The following SLC6A3 variants were observed in gnomAD, a reference collection of about 807,000 sequenced individuals.
SLC6A3 encodes solute carrier family 6 member 3, also known as sodium-dependent dopamine transporter.
Under a neutral mutation model 70.4 loss-of-function variants are expected in SLC6A3, and 19 were observed. The observed-to-expected ratio is 0.27, with a 90% CI of 0.19 to 0.40. The LOEUF (loss-of-function observed/expected upper bound fraction) is 0.40, where lower values mean the gene tolerates loss of function less well. SLC6A3 is among the 10% of genes least tolerant of loss of function. The probability of loss-of-function intolerance (pLI) is 1.00; values close to 1 mark genes in which losing one functional copy is unlikely to be tolerated. For missense variants in SLC6A3, 613 were observed against 838.5 expected (o/e 0.73, Z 3.32); for synonymous variants, 368 against 356.6 (o/e 1.03, Z -0.36).
In SLC6A3 at chr5:1,402,965, T is replaced by C. The variant is rs762796339; in HGVS notation, c.1724A>G (p.Tyr575Cys). The change falls in exon 13 of 15, where the codon TAT becomes TGT. Residue 575 changes from tyrosine (Y) to cysteine (C), a missense_variant. Around this residue, in one of 4 missense-constraint regions of SLC6A3, gnomAD observed 348 missense variants for 481.2 expected, o/e 0.72. Transcript: ENST00000270349. This position sits in a 1 kb window ranked among gnomAD's most constrained non-coding sequence, Gnocchi z 8.5. ...CAGGCTGCAGAACTTGTAGGCCGCA[T>C]AGATGGGCACCATGGCCATGGAGGA... Reference protein sequence around the residue: ...ATSSMAMVPIYAAYKFCSLPG... With the variant: ...ATSSMAMVPICAAYKFCSLPG... 16 of 1,613,870 alleles carry C rather than the reference T, an allele frequency of 9.9e-6. No homozygotes were observed. Among genetic ancestry groups the C allele is most frequent in the South Asian group, 6.6e-5 (6 of 91,084 alleles).
intron 14 of SLC6A3, among the ~76,000 whole-genome samples, chr5:1,399,190 C>G (rs1394552858): frequency 6.6e-6 from 1 of 151,912 alleles, no homozygotes; most frequent in East Asian, 1.9e-4. Context: ...GTAAAACATC[C>G]CCATATATTT....
intron 4 of SLC6A3, among the ~76,000 whole-genome samples, chr5:1,429,913 A>G (rs1756656846): frequency 6.6e-6 from 1 of 152,174 alleles, no homozygotes; most frequent in Admixed American, 6.5e-5. Flanking sequence ...ACGCAATGGG[A>G]GTTTTCTCCC....
At position 1,438,980 on chromosome 5, in the gene SLC6A3, C is replaced by G. The variant is rs534187115; in HGVS notation, c.418+2379G>C. Among the ~76,000 whole-genome samples the G allele has an allele frequency of 9.8e-5, 15 of 152,342 alleles. No homozygotes were observed. In the South Asian group the frequency reaches 2.9e-3, roughly 29 times the overall value. On this transcript the variant is annotated intron_variant, in intron 3 of 14. Coordinates refer to ENST00000270349, the MANE Select transcript of SLC6A3 (RefSeq NM_001044.5). The surrounding 1 kb of genome is among the most constrained non-coding windows in gnomAD (Gnocchi z 6.5). ...GCAAGCTCAGCATCGCTTACGACTG[C>G]AGGCTCAGAGGCAGCACTCCTCTCT...
Position 1,441,487 on chromosome 5 carries a change from G to C in SLC6A3, c.290C>G (p.Ala97Gly). 6.2e-7 allele frequency: 1 copy of C among 1,613,978 alleles called. No individual in the cohort carries two copies. Among genetic ancestry groups the C allele is most frequent in the Non-Finnish European group, 8.5e-7 (1 of 1,179,944 alleles). Residue 97 changes from alanine (A) to glycine (G), a missense_variant, in exon 3 of 15, where the codon GCC becomes GGC. Physicochemically the swap from Ala to Gly is moderately conservative, Grantham distance 60. Around this residue, in one of 4 missense-constraint regions of SLC6A3, gnomAD observed 153 missense variants for 249.4 expected, o/e 0.61. Transcript: ENST00000270349. ...PYLCYKNGGG[A>G]FLVPYLLFMV... ...GAAGAGCAGGTAGGGGACCAGGAAG[G>C]CACCTGTGGGGCAGAAAAGCACCTT...
chr5:1,409,601 G>C, intron 10 of SLC6A3, 120 bp downstream of exon 10: 1 of 1,194,172 alleles, frequency 8.4e-7, no homozygotes, highest in Non-Finnish European at 1.2e-6. Flanking sequence ...GGGTGGGTGG[G>C]TTCGCAGCTC....
At chr5:1,412,940 G>A (rs1469071654) in intron 8 of SLC6A3, among the ~76,000 whole-genome samples, 3 of 152,216 alleles carry the variant, frequency 2.0e-5, no homozygotes, top group Non-Finnish European at 4.4e-5. Flanking sequence ...CGCCTGAGAT[G>A]TTCCGGGGCT....
intron 10 of SLC6A3, 124 bp downstream of exon 10, chr5:1,409,597 G>A: frequency 8.9e-7 from 1 of 1,118,688 alleles, no homozygotes; most frequent in East Asian, 2.3e-5. Flanking sequence ...TCTGGGGTGG[G>A]TGGGTTCGCA....
rs772802547 is a variant in SLC6A3, at chr5:1,442,655, C to T, written c.286+257G>A. On this transcript the variant is annotated intron_variant, in intron 2 of 14. Transcript: ENST00000270349. This position sits in a 1 kb window ranked among gnomAD's most constrained non-coding sequence, Gnocchi z 5.0. ...GAGCCAAGCTGCCCCGTCTGCCGCCCCCCACCCCCCAGCTTCTTCGCGGGC... is the reference window on the plus strand; with the variant it reads ...GAGCCAAGCTGCCCCGTCTGCCGCCTCCCACCCCCCAGCTTCTTCGCGGGC... Among the ~76,000 whole-genome samples, 7 of 152,084 alleles carry T rather than the reference C, an allele frequency of 4.6e-5. No homozygotes were observed. The highest frequency in any genetic ancestry group is 7.4e-5 in the Non-Finnish European group (5 of 68,012).
At chr5:1,412,826 G>A (rs1221115732) in intron 8 of SLC6A3, among the ~76,000 whole-genome samples, 2 of 152,148 alleles carry the variant, frequency 1.3e-5, no homozygotes, top group Non-Finnish European at 2.9e-5. Context: ...GTCTTTCAGG[G>A]GCCTCACTAT....
chr5:1,443,317 T>C, intron 1 of SLC6A3, 75 bp from the exon 2 acceptor site: 2 of 1,186,754 alleles, frequency 1.7e-6, no homozygotes, highest in Non-Finnish European at 2.5e-6. Flanking sequence ...ACATACCTGG[T>C]GCGGAGGGCA....
intron 4 of SLC6A3, among the ~76,000 whole-genome samples, chr5:1,425,595 T>C (rs1756558705): frequency 6.6e-6 from 1 of 152,098 alleles, no homozygotes; most frequent in Non-Finnish European, 1.5e-5. Flanking sequence ...GAAGAGAACA[T>C]AGGGTAAATT....
chr5:1,401,075 T>C lies in SLC6A3; in HGVS notation c.1768-89A>G. The C allele has an allele frequency of 1.4e-5, 14 of 975,914 alleles. 1 individual carries two copies. The South Asian group carries it at 1.8e-4, about 12-fold the overall frequency. 60.5% of individuals were successfully genotyped at this position (975,914 alleles called of 1,614,324 possible). ...GACTCACACTGCCAGGACCCTCACC[T>C]ACCAGCACCCTCACCACCAGCCCTC... On this transcript the variant is annotated intron_variant, in intron 13 of 14. Coordinates refer to ENST00000270349, the MANE Select transcript of SLC6A3 (RefSeq NM_001044.5). This position sits in a 1 kb window ranked among gnomAD's most constrained non-coding sequence, Gnocchi z 6.1.
At chr5:1,428,560 C>A (rs116287011) in intron 4 of SLC6A3, among the ~76,000 whole-genome samples, 102 of 152,318 alleles carry the variant, frequency 6.7e-4, no homozygotes, top group African/African-American at 2.3e-3. Context: ...CCTTTTATTT[C>A]TCTCCAGGAA....
At position 1,438,066 on chromosome 5, in the gene SLC6A3, C is replaced by G. The variant is rs1281566012; in HGVS notation, c.418+3293G>C. The stretch of plus-strand genomic sequence containing the variant: ...AGGCAGAACAAACGGGACGCTGGCA[C>G]CGGAACCTGCAGCGTTACTGAGATT... On this transcript the variant is annotated intron_variant, in intron 3 of 14. Coordinates refer to ENST00000270349, the MANE Select transcript of SLC6A3 (RefSeq NM_001044.5). This position sits in a 1 kb window ranked among gnomAD's most constrained non-coding sequence, Gnocchi z 6.5. Among the ~76,000 whole-genome samples, 2 of 152,368 alleles carry G rather than the reference C, an allele frequency of 1.3e-5. No homozygotes were observed. The highest frequency in any genetic ancestry group is 2.9e-5 in the Non-Finnish European group (2 of 68,034).
At position 1,393,067 on chromosome 5, in the gene SLC6A3, C is replaced by G. The variant is rs1016925522; in HGVS notation, c.*1668G>C. On this transcript the variant is annotated 3_prime_UTR_variant, in exon 15 of 15. Coordinates refer to ENST00000270349, the MANE Select transcript of SLC6A3 (RefSeq NM_001044.5). ...GGAAGCCGTCCTCTGTGTCCCTCCC[C>G]AGAAGGCAATGGGGAAGCCATCCTC... 1 of 152,404 alleles carries G rather than the reference C, an allele frequency of 6.6e-6. No individual in the cohort carries two copies. Among genetic ancestry groups the G allele is most frequent in the Middle Eastern group, 3.4e-3 (1 of 294 alleles). The allele number at this position is 152,404 out of a possible 1,614,324, so 9.4% of individuals were successfully genotyped here. A position where few individuals can be genotyped will look rare whatever the true frequency, so the allele number is the denominator to read the frequency against.
intron 8 of SLC6A3, 97 bp downstream of exon 8, chr5:1,414,594 A>G: frequency 3.5e-6 from 5 of 1,430,724 alleles, no homozygotes; most frequent in Non-Finnish European, 4.8e-6. Flanking sequence ...CTCAGGGCCC[A>G]TGCGTCTCCT....
Position 1,410,387 on chromosome 5 carries a change from C to T in SLC6A3, c.1270-538G>A, listed in dbSNP as rs143271458. Among the ~76,000 whole-genome samples the T allele has an allele frequency of 1.2e-4, 18 of 152,254 alleles. No individual in the cohort carries two copies. In the East Asian group the frequency reaches 3.1e-3, roughly 26 times the overall value. ...ATGCTCTCATGTCAGGAACATGAGGCCTGTGGTCAACCCAGGAGCCGTGGA... is the reference window on the plus strand; with the variant it reads ...ATGCTCTCATGTCAGGAACATGAGGTCTGTGGTCAACCCAGGAGCCGTGGA... On this transcript the variant is annotated intron_variant, in intron 9 of 14. Coordinates refer to ENST00000270349, the MANE Select transcript of SLC6A3 (RefSeq NM_001044.5).
In SLC6A3 at chr5:1,438,969, G is replaced by A. The variant is rs1024852968; in HGVS notation, c.418+2390C>T. On this transcript the variant is annotated intron_variant, in intron 3 of 14. Transcript: ENST00000270349. This position sits in a 1 kb window ranked among gnomAD's most constrained non-coding sequence, Gnocchi z 6.5. ...CGGACCACGGTGCAAGCTCAGCATC[G>A]CTTACGACTGCAGGCTCAGAGGCAG... Among the ~76,000 whole-genome samples, 1 of 152,196 alleles carries A rather than the reference G, an allele frequency of 6.6e-6. No individual in the cohort carries two copies. The highest frequency in any genetic ancestry group is 2.1e-4 in the South Asian group (1 of 4,828).
intron 14 of SLC6A3, among the ~76,000 whole-genome samples, chr5:1,395,281 G>A (rs1755689200): frequency 6.6e-6 from 1 of 152,244 alleles, no homozygotes; most frequent in Admixed American, 6.5e-5. Flanking sequence ...AGGGACTGAT[G>A]AGATAGACAA....
Sources: gnomAD v4.1 joint callset for allele counts (sites outside exome capture counted in the v4.1 genomes callset) on GRCh38, gnomAD v4.1.1 for gene constraint, gnomAD v4.1.1 regional missense constraint, Gnocchi (gnomAD v3.1) non-coding constraint, MANE v1.5 for transcripts, NCBI Gene and HGNC (gene_info 2026-07-23, HGNC 2026-07-21) for gene names.